Variants in PLEKHG1 observed in about 807,000 individuals in gnomAD.
PLEKHG1 encodes pleckstrin homology domain-containing family G member 1.
Under a neutral mutation model 100.8 loss-of-function variants are expected in PLEKHG1, and 44 were observed. The observed-to-expected ratio is 0.44, with a 90% CI of 0.34 to 0.56. The LOEUF is 0.56. Among genes scored for constraint, PLEKHG1 ranks in the 20% least tolerant of loss-of-function variants. The probability of loss-of-function intolerance (pLI) is 0.01; values close to 1 mark genes in which losing one functional copy is unlikely to be tolerated. For synonymous variants in PLEKHG1, 640 were observed against 662.5 expected (o/e 0.97, Z 0.52); for missense variants, 1,545 against 1,720.9 (o/e 0.90, Z 1.81).
At chr6:150,652,062 T>A (rs1054383842) in intron 3 of PLEKHG1, 13 of 152,216 alleles carry the variant, frequency 8.5e-5, no homozygotes, top group African/African-American at 3.1e-4. Context: ...CTTTAGGTAA[T>A]ATTTTAAATC....
chr6:150,724,519 A>G (rs1033923339), intron 1 of PLEKHG1, among the ~76,000 whole-genome samples: 9 of 152,028 alleles, frequency 5.9e-5, no homozygotes, highest in African/African-American at 2.2e-4. Flanking sequence ...TTTGCATAAA[A>G]AGCCTTTAGA....
chr6:150,811,310 C>G (rs1429141540), intron 10 of PLEKHG1, among the ~76,000 whole-genome samples: 1 of 151,546 alleles, frequency 6.6e-6, no homozygotes, highest in Non-Finnish European at 1.5e-5. Context: ...TACTCTGTCG[C>G]CCAGGCTGGA....
chr6:150,841,117 G>C (rs1014800347), exon 16 of PLEKHG1: 1 of 669,276 alleles, frequency 1.5e-6, no homozygotes, highest in African/African-American at 1.8e-5. Flanking sequence ...TTCTCATGCT[G>C]AGTGTCTTCA....
chr6:150,736,702 A>G (rs9383838), intron 2 of PLEKHG1, among the ~76,000 whole-genome samples: 140,043 of 152,192 alleles, frequency 0.92, 64,550 homozygotes, highest in Non-Finnish European at 0.93. Context: ...CTGGGAGGCG[A>G]AGGCTGCAGT....
At position 150,698,228 on chromosome 6, in the gene PLEKHG1, A is replaced by G. The variant is rs1234861467; in HGVS notation, c.-98-35356A>G. 2.0e-5 allele frequency among the ~76,000 whole-genome samples: 3 copies of G among 152,350 alleles called. No individual in the cohort carries two copies. In the East Asian group the frequency reaches 5.8e-4, roughly 29 times the overall value. ...CATATTTTAAATTTGTGCATGAAAC[A>G]AACTTTTTGTTAAGTACTTACATGT... On this transcript the variant is annotated intron_variant, in intron 3 of 3. Transcript: ENST00000367326.
chr6:150,699,274 T>G (rs1780671975), intron 3 of PLEKHG1, among the ~76,000 whole-genome samples: 1 of 152,258 alleles, frequency 6.6e-6, no homozygotes, highest in African/African-American at 2.4e-5. Context: ...CAACAAAAAG[T>G]AACTGTTCTC....
chr6:150,826,803 C>T (rs535707235), intron 14 of PLEKHG1, among the ~76,000 whole-genome samples: 1 of 152,168 alleles, frequency 6.6e-6, no homozygotes, highest in Admixed American at 6.6e-5. Context: ...CCACCACGCC[C>T]GGCTAACTCA....
At chr6:150,674,002 G>C (rs1582922990) in intron 3 of PLEKHG1, among the ~76,000 whole-genome samples, 1 of 152,190 alleles carries the variant, frequency 6.6e-6, no homozygotes. Flanking sequence ...TTGTAGAAGA[G>C]AGCCTGACCT....
At chr6:150,646,492 T>C (rs1778506061) in intron 2 of PLEKHG1, among the ~76,000 whole-genome samples, 2 of 152,086 alleles carry the variant, frequency 1.3e-5, no homozygotes, top group African/African-American at 4.8e-5. Context: ...GGAGGGTAGA[T>C]GGATGTCAGG....
chr6:150,820,819 C>T (rs1459137049), intron 12 of PLEKHG1, among the ~76,000 whole-genome samples: 2 of 152,122 alleles, frequency 1.3e-5, no homozygotes, highest in South Asian at 4.1e-4. Context: ...GAGCCGAGAT[C>T]GTACCATTGC....
chr6:150,719,123 G>GC (rs1357441043), upstream of PLEKHG1, among the ~76,000 whole-genome samples: 1 of 152,108 alleles, frequency 6.6e-6, no homozygotes, highest in Admixed American at 6.5e-5. Context: ...ACCCAATATG[G>GC]CCCCCGCTGT....
At chr6:150,696,364 G>A (rs754541176) in intron 3 of PLEKHG1, among the ~76,000 whole-genome samples, 7 of 152,162 alleles carry the variant, frequency 4.6e-5, no homozygotes, top group East Asian at 1.9e-4. Context: ...GGCCTGCAGC[G>A]ATGGCAGCCT....
chr6:150,656,903 A>G (rs1013697588), intron 3 of PLEKHG1, among the ~76,000 whole-genome samples: 2 of 152,190 alleles, frequency 1.3e-5, no homozygotes, highest in Non-Finnish European at 1.5e-5. Context: ...TAGCTGGGTA[A>G]CTTGTAATGG....
chr6:150,840,786 T>G (rs778543770), exon 16 of PLEKHG1: 1 of 1,614,130 alleles, frequency 6.2e-7, no homozygotes, highest in Non-Finnish European at 8.5e-7. Flanking sequence ...ATATAATGAT[T>G]CTGACAAACT....
At chr6:150,783,349 A>T (rs990150930) in intron 3 of PLEKHG1, among the ~76,000 whole-genome samples, 3 of 151,890 alleles carry the variant, frequency 2.0e-5, no homozygotes, top group Admixed American at 2.0e-4. Context: ...TATCAAAGAC[A>T]TAATTCACGA....
At chr6:150,713,694 C>T (rs6924984) in intron 3 of PLEKHG1, among the ~76,000 whole-genome samples, 31,482 of 152,128 alleles carry the variant, frequency 0.21, 3,447 homozygotes, top group Non-Finnish European at 0.25. Flanking sequence ...AAGCTACACT[C>T]CCTCCTCTGC....
At chr6:150,736,960 G>A (rs569023185) in intron 2 of PLEKHG1, among the ~76,000 whole-genome samples, 12 of 152,110 alleles carry the variant, frequency 7.9e-5, no homozygotes, top group South Asian at 4.1e-4. Context: ...GGAAAGAAGC[G>A]TGCCTGGGGA....
intron 3 of PLEKHG1, among the ~76,000 whole-genome samples, chr6:150,772,705 G>A (rs985006690): frequency 2.0e-5 from 3 of 152,198 alleles, no homozygotes; most frequent in African/African-American, 4.8e-5. Flanking sequence ...CATTGTTTTT[G>A]GGATTTATAG....
In PLEKHG1 at chr6:150,768,318, A is replaced by C. The variant is rs919086193; in HGVS notation, c.412-320A>C. On this transcript the variant is annotated intron_variant, in intron 2 of 15. Transcript: ENST00000358517. ...TGTTTTAATCATACAAATCAGTCAA[A>C]GAAAAAGCAGACGATGTGGTTATAC... Among the ~76,000 whole-genome samples the C allele has an allele frequency of 3.3e-5, 5 of 152,356 alleles. No individual in the cohort carries two copies. The East Asian group carries it at 9.6e-4, about 29-fold the overall frequency.
Sources: allele counts gnomAD v4.1 joint callset (sites outside exome capture counted in the v4.1 genomes callset), GRCh38; gene constraint gnomAD v4.1.1; transcripts MANE v1.5; gene names NCBI Gene and HGNC (gene_info 2026-07-23, HGNC 2026-07-21).